SENP7: variants seen among roughly 807,000 people sequenced by gnomAD.
SENP7 encodes SUMO specific peptidase 7, also known as sentrin-specific protease 7.
Under a neutral mutation model 141.2 loss-of-function variants are expected in SENP7, and 64 were observed. The observed-to-expected ratio is 0.45, with a 90% CI of 0.37 to 0.56. SENP7 has a LOEUF of 0.56. Ranked by LOEUF, SENP7 falls within the 20% of genes least tolerant of loss-of-function variation. The pLI is 0.00. For synonymous variants in SENP7, 382 were observed against 426.4 expected (o/e 0.90, Z 1.28); for missense variants, 1,025 against 1,212.2 (o/e 0.85, Z 2.29).
chr3:101,360,282 C>T (rs942688358), intron 11 of SENP7, among the ~76,000 whole-genome samples: 1 of 152,168 alleles, frequency 6.6e-6, no homozygotes, highest in Non-Finnish European at 1.5e-5. Flanking sequence ...AGGTCTTTGT[C>T]TGCATGGGTA....
intron 3 of SENP7, among the ~76,000 whole-genome samples, chr3:101,464,857 T>A (rs552960165): frequency 1.3e-4 from 20 of 151,898 alleles, no homozygotes; most frequent in African/African-American, 3.9e-4. Flanking sequence ...TAAAAAGGGG[T>A]AAGTGGATCT....
chr3:101,351,966 C>A (rs1317699396), intron 11 of SENP7, among the ~76,000 whole-genome samples: 2 of 151,918 alleles, frequency 1.3e-5, no homozygotes, highest in African/African-American at 2.4e-5. Context: ...CAAGAGACCT[C>A]TAAGTAGCAG....
chr3:101,360,216 G>A (rs2059858704), intron 11 of SENP7, among the ~76,000 whole-genome samples: 1 of 152,136 alleles, frequency 6.6e-6, no homozygotes, highest in African/African-American at 2.4e-5. Context: ...AGCTTTCGAA[G>A]CAATGGTGAC....
At chr3:101,381,584 T>C (rs1277408729) in intron 6 of SENP7, among the ~76,000 whole-genome samples, 1 of 152,046 alleles carries the variant, frequency 6.6e-6, no homozygotes, top group Non-Finnish European at 1.5e-5. Flanking sequence ...AGGAAAAAGT[T>C]TAAATGTTTA....
intron 4 of SENP7, among the ~76,000 whole-genome samples, chr3:101,447,012 GA>G (rs1322589266): frequency 1.3e-5 from 2 of 151,540 alleles, no homozygotes; most frequent in Non-Finnish European, 2.9e-5. Context: ...GACCAACCAA[GA>G]AAAAAAGACC....
intron 11 of SENP7, among the ~76,000 whole-genome samples, chr3:101,353,000 G>A (rs1307972906): frequency 6.6e-6 from 1 of 151,982 alleles, no homozygotes; most frequent in Non-Finnish European, 1.5e-5. Flanking sequence ...CAAGTAGTAA[G>A]TAGGTAAACT....
chr3:101,429,053 T>C (rs2107705095), intron 4 of SENP7, among the ~76,000 whole-genome samples: 1 of 152,322 alleles, frequency 6.6e-6, no homozygotes, highest in South Asian at 2.1e-4. Context: ...GGTCTATCTA[T>C]CTGTTTTGGT....
intron 3 of SENP7, among the ~76,000 whole-genome samples, chr3:101,471,169 A>T (rs2063977067): frequency 6.6e-6 from 1 of 152,200 alleles, no homozygotes; most frequent in African/African-American, 2.4e-5. Context: ...TTCATACGGA[A>T]CCAAAAAAGA....
chr3:101,472,323 TA>T (rs200886356), intron 3 of SENP7, among the ~76,000 whole-genome samples: 7 of 151,782 alleles, frequency 4.6e-5, no homozygotes, highest in African/African-American at 9.7e-5. Context: ...TATGCAGCCT[TA>T]AAAAAAATGA....
chr3:101,331,650 G>A (rs925519107), intron 19 of SENP7, among the ~76,000 whole-genome samples: 1 of 151,866 alleles, frequency 6.6e-6, no homozygotes, highest in Admixed American at 6.6e-5. Flanking sequence ...TGGTCACAGA[G>A]GAGATTATTA....
At chr3:101,380,277 T>C (rs2060458754) in intron 6 of SENP7, among the ~76,000 whole-genome samples, 3 of 152,138 alleles carry the variant, frequency 2.0e-5, no homozygotes, top group Non-Finnish European at 4.4e-5. Flanking sequence ...ATAATGTGAA[T>C]GTACTTAAAA....
intron 3 of SENP7, among the ~76,000 whole-genome samples, chr3:101,460,782 C>T (rs2063519874): frequency 6.6e-6 from 1 of 151,974 alleles, no homozygotes; most frequent in African/African-American, 2.4e-5. Context: ...GAAATATTTG[C>T]AAATAATATA....
intron 6 of SENP7, among the ~76,000 whole-genome samples, chr3:101,386,266 G>C (rs903290929): frequency 7.9e-5 from 12 of 152,312 alleles, no homozygotes; most frequent in East Asian, 1.9e-4. Context: ...AGCCAGGACA[G>C]ACTCCTTGCT....
chr3:101,499,547 T>C (rs1411544018), intron 2 of SENP7, among the ~76,000 whole-genome samples: 2 of 149,418 alleles, frequency 1.3e-5, no homozygotes, highest in Non-Finnish European at 3.0e-5. Context: ...TTTTTTTTTT[T>C]TTCTTGGAGA....
intron 6 of SENP7, among the ~76,000 whole-genome samples, chr3:101,379,783 A>G (rs2060443387): frequency 6.6e-6 from 1 of 152,170 alleles, no homozygotes; most frequent in South Asian, 2.1e-4. Flanking sequence ...TCAAAAAGCT[A>G]AAAATAGATT....
Position 101,513,125 on chromosome 3 carries a change from G to A in SENP7, c.6C>T (p.Asp2=), listed in dbSNP as rs2065935437. 1.3e-6 allele frequency: 2 copies of A among 1,552,390 alleles called. No individual in the cohort carries two copies. Among genetic ancestry groups the A allele is most frequent in the Admixed American group, 3.6e-5 (2 of 55,962 alleles). Reference sequence around the variant, plus strand: ...ATGGCCGTCGCCCGAGCTTTCTCTTGTCCATCTTCTCCCGCTGCTGAAATT... The same window carrying A: ...ATGGCCGTCGCCCGAGCTTTCTCTTATCCATCTTCTCCCGCTGCTGAAATT... M[D]KRKLGRRPSS... is the part of the protein sequence containing the mutation. The change falls in exon 1 of 24, where the codon GAC becomes GAT. Residue 2 remains aspartate (D), a synonymous_variant. Coordinates refer to ENST00000394095, the MANE Select transcript of SENP7 (RefSeq NM_020654.5).
At chr3:101,398,767 T>A (rs1329001439) in intron 6 of SENP7, 94 bp downstream of exon 6, 1 of 963,632 alleles carries the variant, frequency 1.0e-6, no homozygotes, top group African/African-American at 1.7e-5. Flanking sequence ...CACATTTACC[T>A]CACATTTAGC....
At chr3:101,430,101 G>A (rs547044996) in intron 4 of SENP7, among the ~76,000 whole-genome samples, 3 of 152,106 alleles carry the variant, frequency 2.0e-5, no homozygotes, top group South Asian at 2.1e-4. Flanking sequence ...ATATTTTATT[G>A]AGGATTTTCA....
chr3:101,339,186 C>T (rs2553422), intron 16 of SENP7, among the ~76,000 whole-genome samples: 136,008 of 152,180 alleles, frequency 0.89, 60,998 homozygotes, highest in East Asian at 1. Flanking sequence ...TAATGTGAGA[C>T]TTTGACCTGA....
Sources: gnomAD v4.1 joint callset for allele counts (sites outside exome capture counted in the v4.1 genomes callset) on GRCh38, gnomAD v4.1.1 for gene constraint, MANE v1.5 for transcripts, NCBI Gene and HGNC (gene_info 2026-07-23, HGNC 2026-07-21) for gene names.